Variants in SGPL1 observed in about 807,000 individuals in gnomAD.
SGPL1 encodes the protein SP-lyase 1.
SGPL1 carries 37 observed loss-of-function variants against 68.9 expected under a neutral mutation model. That is an observed-to-expected ratio of 0.54 (90% CI 0.41 to 0.71). The LOEUF is 0.71. Among genes scored for constraint, SGPL1 ranks in the 30% least tolerant of loss-of-function variants. The pLI is 0.00. For synonymous variants in SGPL1, 236 were observed against 248.5 expected (o/e 0.95, Z 0.47); for missense variants, 551 against 704.6 (o/e 0.78, Z 2.47).
rs765767822 is a variant in SGPL1 at position 70,851,121 on chromosome 10, G to C, written c.194-22G>C. 4 of 1,597,276 alleles carry C rather than the reference G, an allele frequency of 2.5e-6. No individual in the cohort carries two copies. The South Asian group carries it at 4.4e-5, about 18-fold the overall frequency. On this transcript the variant is annotated intron_variant, in intron 3 of 14. Transcript: ENST00000373202. Reference sequence around the variant, plus strand: ...TATCCATGGAAATTTATTTGAATAAGAGAACCATTTGTTTCTTTTAGGTTT... The same window carrying C: ...TATCCATGGAAATTTATTTGAATAACAGAACCATTTGTTTCTTTTAGGTTT...
rs114261943 is a variant in SGPL1, at chr10:70,827,956, T to A, written c.27+11076T>A. ...TGTTTGTGAGATTCAGTCATGTTCT[T>A]AGGTAGCATTAGTTTTTCTTTCTTA... On this transcript the variant is annotated intron_variant, in intron 2 of 14. Transcript: ENST00000373202. Among the ~76,000 whole-genome samples, 765 of 152,344 alleles carry A rather than the reference T, an allele frequency of 5.0e-3. 5 individuals are homozygous for A. Among genetic ancestry groups the A allele is most frequent in the African/African-American group, 0.016 (686 of 41,580 alleles).
chr10:70,863,286 C>G (rs1041550554), intron 7 of SGPL1, among the ~76,000 whole-genome samples: 1 of 132,476 alleles, frequency 7.5e-6, no homozygotes, highest in East Asian at 2.2e-4. Flanking sequence ...CACGCTTGGC[C>G]GTCTTTTTTT....
intron 6 of SGPL1, among the ~76,000 whole-genome samples, chr10:70,859,132 G>A (rs1481984930): frequency 6.6e-6 from 1 of 152,190 alleles, no homozygotes; most frequent in Non-Finnish European, 1.5e-5. Flanking sequence ...TCGGTTTGGT[G>A]TTATAGTCTG....
chr10:70,862,874 CAGTG>C (rs1179787858), intron 7 of SGPL1, among the ~76,000 whole-genome samples: 3 of 152,232 alleles, frequency 2.0e-5, no homozygotes, highest in Non-Finnish European at 2.9e-5. Flanking sequence ...TTCTTGAAGT[CAGTG>C]AGACCAAGAA....
chr10:70,842,673 C>G (rs1201106071), intron 2 of SGPL1, among the ~76,000 whole-genome samples: 2 of 152,144 alleles, frequency 1.3e-5, no homozygotes, highest in Admixed American at 6.5e-5. Context: ...TGAGCAAGAA[C>G]TCATTCATGA....
chr10:70,850,676 G>C (rs1845864431), intron 3 of SGPL1, among the ~76,000 whole-genome samples: 1 of 152,030 alleles, frequency 6.6e-6, no homozygotes, highest in Non-Finnish European at 1.5e-5. Flanking sequence ...ATAAATTTTG[G>C]CACATCCATA....
intron 2 of SGPL1, among the ~76,000 whole-genome samples, chr10:70,832,313 G>A (rs7903180): frequency 0.057 from 8,624 of 152,190 alleles, 380 homozygotes; most frequent in Admixed American, 0.15. Context: ...CTTACGTGTT[G>A]GAAATCTCTA....
At chr10:70,828,496 A>G (rs1031801056) in intron 2 of SGPL1, among the ~76,000 whole-genome samples, 1 of 152,110 alleles carries the variant, frequency 6.6e-6, no homozygotes, top group Admixed American at 6.5e-5. Context: ...CCCAGCCTGT[A>G]CAAGCAATTC....
intron 2 of SGPL1, among the ~76,000 whole-genome samples, chr10:70,838,096 G>C (rs1170166174): frequency 1.3e-5 from 2 of 152,146 alleles, no homozygotes; most frequent in Non-Finnish European, 2.9e-5. Context: ...TTTTAGGGGG[G>C]ACATTCAAAT....
intron 2 of SGPL1, among the ~76,000 whole-genome samples, chr10:70,818,165 G>A (rs1366781247): frequency 6.6e-6 from 1 of 152,132 alleles, no homozygotes; most frequent in East Asian, 1.9e-4. Context: ...TTGTCTCCCA[G>A]GCTGGAGTGC....
chr10:70,854,636 A>C, intron 4 of SGPL1, 72 bp from the exon 5 acceptor site: 1 of 1,368,898 alleles, frequency 7.3e-7, no homozygotes, highest in Non-Finnish European at 1.0e-6. Flanking sequence ...CAGTTGCTTG[A>C]CTGTCATAAT....
chr10:70,843,561 CTG>C (rs1176626011), intron 2 of SGPL1, among the ~76,000 whole-genome samples: 1 of 152,128 alleles, frequency 6.6e-6, no homozygotes, highest in Admixed American at 6.5e-5. Flanking sequence ...GTGATAAGCT[CTG>C]TATAGGACTT....
At chr10:70,871,002 A>G in intron 9 of SGPL1, 46 bp from the exon 10 acceptor site, 1 of 1,518,956 alleles carries the variant, frequency 6.6e-7, no homozygotes, top group Non-Finnish European at 9.1e-7. Context: ...AGAGAAGAGT[A>G]ATTGTGACAT....
intron 2 of SGPL1, among the ~76,000 whole-genome samples, chr10:70,832,295 T>C (rs1323223281): frequency 3.9e-5 from 6 of 152,226 alleles, no homozygotes; most frequent in Non-Finnish European, 2.9e-5. Flanking sequence ...CTTATTCTTT[T>C]GAGCAGGCTT....
rs761684028 is a variant in SGPL1, at chr10:70,873,495, G to T, written c.1204G>T (p.Ala402Ser). The T allele has an allele frequency of 1.2e-6, 2 of 1,614,250 alleles. No homozygotes were observed. Among genetic ancestry groups the T allele is most frequent in the South Asian group, 1.1e-5 (1 of 91,084 alleles). The change falls in exon 12 of 15, where the codon GCA becomes TCA. Residue 402 changes from alanine to serine, a missense_variant. Physicochemically the swap from Ala to Ser is moderately conservative, Grantham distance 99 (BLOSUM62 1). Coordinates refer to ENST00000373202, the MANE Select transcript of SGPL1 (RefSeq NM_003901.4). ...AGGCTCACGGCCTGGTGGCATTAGC[G>T]CAGCCTGTTGGGCTGCCTTGATGCA... ...IAGSRPGGIS[A>S]ACWAALMHFG...
At chr10:70,845,174 A>G (rs1285783256) in intron 3 of SGPL1, among the ~76,000 whole-genome samples, 1 of 152,118 alleles carries the variant, frequency 6.6e-6, no homozygotes, top group Non-Finnish European at 1.5e-5. Flanking sequence ...GTTCACGTAA[A>G]AACGCCTCAG....
In SGPL1 at chr10:70,881,054, GT is replaced by G. The variant is rs776661249; in HGVS notation, c.*3723del. ...TTGAGAACCTTTTTCCTGATTTGAA[GT>G]TTTAATTACCTTATTTTCTTTTATG... On this transcript the variant is annotated 3_prime_UTR_variant, in exon 15 of 15. Transcript: ENST00000373202. The G allele has an allele frequency of 6.6e-6, 1 of 151,918 alleles. No homozygotes were observed. Among genetic ancestry groups the G allele is most frequent in the African/African-American group, 2.4e-5 (1 of 41,336 alleles). The allele number at this position is 151,918 out of a possible 1,614,324, so 9.4% of individuals were successfully genotyped here.
At chr10:70,836,568 G>GCCTTTC (rs768538535) in intron 2 of SGPL1, among the ~76,000 whole-genome samples, 6 of 148,906 alleles carry the variant, frequency 4.0e-5, no homozygotes, top group East Asian at 3.9e-4. Context: ...CTTTGCCTTT[G>GCCTTTC]CCTTTCCCTT....
rs557564296 is a variant in SGPL1 at position 70,872,112 on chromosome 10, ACT to A, written c.1059+133_1059+134del. On this transcript the variant is annotated intron_variant, in intron 11 of 14. Coordinates refer to ENST00000373202, the MANE Select transcript of SGPL1 (RefSeq NM_003901.4). ...AATTCTCATCAGATGCTTGTTTTAA[ACT>A]CTCTCTTTGCCGTCACCAGATCAGC... 9.2e-3 allele frequency: 8,868 copies of A among 966,114 alleles called. 64 individuals are homozygous for A. Among genetic ancestry groups the A allele is most frequent in the Non-Finnish European group, 0.011 (7,667 of 669,424 alleles). 59.8% of individuals were successfully genotyped at this position (966,114 alleles called of 1,614,324 possible).
Sources: gnomAD v4.1 joint callset for allele counts (sites outside exome capture counted in the v4.1 genomes callset) on GRCh38, gnomAD v4.1.1 for gene constraint, MANE v1.5 for transcripts, NCBI Gene and HGNC (gene_info 2026-07-23, HGNC 2026-07-21) for gene names.